The following PLCL1 variants were observed in gnomAD, a reference collection of about 807,000 sequenced individuals.
The protein encoded by PLCL1 is phospholipase C like 1 (inactive), also known as inactive phospholipase C-like protein 1.
A neutral mutation model predicts 84.4 loss-of-function variants in PLCL1; 41 were observed. The ratio of observed to expected loss-of-function variants is 0.49; its 90% CI spans 0.38 to 0.63. The LOEUF is 0.63. Among genes scored for constraint, PLCL1 ranks in the 30% least tolerant of loss-of-function variants. The pLI is 0.00. For synonymous variants in PLCL1, 490 were observed against 488.3 expected, an observed-to-expected ratio of 1.00 and a Z score of -0.05; for missense variants, 1,206 against 1,367.8, an observed-to-expected ratio of 0.88 and a Z score of 1.87.
intron 1 of PLCL1, among the ~76,000 whole-genome samples, chr2:198,082,237 T>C (rs567382707): frequency 6.6e-6 from 1 of 152,292 alleles, no homozygotes; most frequent in East Asian, 1.9e-4. Flanking sequence ...GAAATTAAGA[T>C]TGAGAGAGGT....
At chr2:198,117,810 T>C (rs1162440126) in intron 5 of PLCL1, among the ~76,000 whole-genome samples, 7 of 152,028 alleles carry the variant, frequency 4.6e-5, no homozygotes, top group Admixed American at 3.9e-4. Context: ...ATGTATATTG[T>C]GTATCCTCTG....
chr2:198,146,715 A>C, intron 5 of PLCL1, 65 bp from the exon 6 acceptor site: 1 of 1,344,214 alleles, frequency 7.4e-7, no homozygotes, highest in South Asian at 1.4e-5. Context: ...ACATAGAGTG[A>C]TGTCACTCAG....
chr2:197,927,876 C>T (rs1688862848), intron 1 of PLCL1, among the ~76,000 whole-genome samples: 2 of 152,156 alleles, frequency 1.3e-5, no homozygotes, highest in East Asian at 3.9e-4. Flanking sequence ...GCATTAGTGA[C>T]GTTATGGCCA....
chr2:197,930,546 A>G (rs140415081), intron 1 of PLCL1, among the ~76,000 whole-genome samples: 1 of 152,224 alleles, frequency 6.6e-6, no homozygotes, highest in Non-Finnish European at 1.5e-5. Flanking sequence ...TTGTGTAAAG[A>G]GGCCTCGTTT....
At chr2:198,131,203 C>T (rs907842848) in intron 5 of PLCL1, among the ~76,000 whole-genome samples, 1 of 152,106 alleles carries the variant, frequency 6.6e-6, no homozygotes, top group Admixed American at 6.6e-5. Context: ...CCTGGGAGCC[C>T]CCATCCTGTT....
intron 1 of PLCL1, among the ~76,000 whole-genome samples, chr2:197,811,510 G>C (rs989067570): frequency 1.3e-5 from 2 of 152,190 alleles, no homozygotes; most frequent in African/African-American, 4.8e-5. Context: ...GAGTAGAAAA[G>C]AAGCATTGTT....
chr2:198,141,017 T>C (rs1283281280), intron 5 of PLCL1, among the ~76,000 whole-genome samples: 2 of 152,174 alleles, frequency 1.3e-5, no homozygotes, highest in Non-Finnish European at 2.9e-5. Context: ...ATTATTTTTA[T>C]TGCATTATAT....
At chr2:198,022,000 A>G (rs1377027449) in intron 1 of PLCL1, among the ~76,000 whole-genome samples, 1 of 152,238 alleles carries the variant, frequency 6.6e-6, no homozygotes, top group Admixed American at 6.5e-5. Context: ...ATACTGGCAA[A>G]CTGAATCCAG....
chr2:198,129,097 A>G (rs952604482), intron 5 of PLCL1, among the ~76,000 whole-genome samples: 16 of 152,178 alleles, frequency 1.1e-4, no homozygotes, highest in African/African-American at 3.9e-4. Context: ...AGAAAAATCA[A>G]GTATTTTACC....
At chr2:197,910,812 A>G (rs922063446) in intron 1 of PLCL1, among the ~76,000 whole-genome samples, 2 of 152,244 alleles carry the variant, frequency 1.3e-5, no homozygotes, top group Admixed American at 6.5e-5. Context: ...TTAGTGTTCA[A>G]TGTAACGCAT....
intron 1 of PLCL1, among the ~76,000 whole-genome samples, chr2:198,027,680 A>G (rs146583519): frequency 8.7e-4 from 132 of 152,330 alleles, no homozygotes; most frequent in African/African-American, 3.0e-3. Flanking sequence ...GAAAACTGAT[A>G]TAATTCAAAT....
chr2:198,060,224 C>T (rs191464417), intron 1 of PLCL1, among the ~76,000 whole-genome samples: 2 of 152,182 alleles, frequency 1.3e-5, no homozygotes, highest in African/African-American at 4.8e-5. Context: ...TCATTTCCTG[C>T]CATCTTCACC....
chr2:198,073,416 A>T (rs557489266), intron 1 of PLCL1, among the ~76,000 whole-genome samples: 2 of 152,296 alleles, frequency 1.3e-5, no homozygotes, highest in East Asian at 3.9e-4. Flanking sequence ...GTAATGCAAT[A>T]AGGATTAAAG....
chr2:198,061,064 C>G (rs946259677), intron 1 of PLCL1, among the ~76,000 whole-genome samples: 5 of 152,008 alleles, frequency 3.3e-5, no homozygotes, highest in Non-Finnish European at 5.9e-5. Context: ...GCAAATCAAC[C>G]CAGCCAAGTG....
At chr2:197,842,514 A>G (rs1051503459) in intron 1 of PLCL1, among the ~76,000 whole-genome samples, 4 of 152,032 alleles carry the variant, frequency 2.6e-5, no homozygotes, top group African/African-American at 9.7e-5. Context: ...AGGGTCATAT[A>G]ATCTCTGGGA....
At chr2:197,983,273 A>G (rs1690156326) in intron 1 of PLCL1, among the ~76,000 whole-genome samples, 1 of 117,930 alleles carries the variant, frequency 8.5e-6, no homozygotes, top group African/African-American at 3.3e-5. Flanking sequence ...TGAGGCTGCC[A>G]GGCTGGAGTG....
chr2:197,909,133 T>C (rs997909802), intron 1 of PLCL1, among the ~76,000 whole-genome samples: 8 of 152,190 alleles, frequency 5.3e-5, no homozygotes, highest in Non-Finnish European at 1.0e-4. Context: ...CTCCCTTTTC[T>C]TCCCTTGGAA....
At chr2:198,066,774 G>A (rs984275841) in intron 1 of PLCL1, among the ~76,000 whole-genome samples, 1 of 151,904 alleles carries the variant, frequency 6.6e-6, no homozygotes, top group Non-Finnish European at 1.5e-5. Flanking sequence ...GGATCTTCCC[G>A]TGCTGTTTCT....
intron 1 of PLCL1, among the ~76,000 whole-genome samples, chr2:197,880,628 G>C (rs1191003760): frequency 2.0e-5 from 3 of 152,124 alleles, no homozygotes; most frequent in Non-Finnish European, 4.4e-5. Flanking sequence ...GCTTCGTTAG[G>C]ATTTTATCTA....
Sources: allele counts gnomAD v4.1 joint callset (sites outside exome capture counted in the v4.1 genomes callset), GRCh38; gene constraint gnomAD v4.1.1; transcripts MANE v1.5; gene names NCBI Gene and HGNC (gene_info 2026-07-23, HGNC 2026-07-21).